Variants in DPP10 observed in about 807,000 individuals in gnomAD.
The protein encoded by DPP10 is dipeptidyl peptidase like 10, also known as inactive dipeptidyl peptidase 10.
A neutral mutation model predicts 120.9 loss-of-function variants in DPP10; 33 were observed. The ratio of observed to expected loss-of-function variants is 0.27; its 90% CI spans 0.21 to 0.37. DPP10 has a LOEUF of 0.37. DPP10 is among the 10% of genes least tolerant of loss of function. DPP10 has a pLI of 1.00. For missense variants in DPP10, 816 were observed against 942.8 expected (o/e 0.87, Z 1.76); for synonymous variants, 337 against 326.1 (o/e 1.03, Z -0.36).
chr2:114,886,718 T>G (rs958941442), intron 1 of DPP10, among the ~76,000 whole-genome samples: 2 of 152,196 alleles, frequency 1.3e-5, no homozygotes, highest in Non-Finnish European at 2.9e-5. Flanking sequence ...GTGTATAAAC[T>G]CTCCTCCCTG....
chr2:115,468,571 G>T, intron 3 of DPP10: 1 of 404,158 alleles, frequency 2.5e-6, no homozygotes, highest in South Asian at 1.9e-5. Context: ...GGGCTAATGT[G>T]GTTGATGGTG....
intron 21 of DPP10, among the ~76,000 whole-genome samples, chr2:115,835,540 T>G (rs1037019547): frequency 1.3e-5 from 2 of 152,194 alleles, no homozygotes; most frequent in Non-Finnish European, 2.9e-5. Context: ...CTTCCAGCCT[T>G]GTTTCTAGTA....
intron 1 of DPP10, among the ~76,000 whole-genome samples, chr2:114,477,281 C>G (rs1680493616): frequency 6.6e-6 from 1 of 151,962 alleles, no homozygotes; most frequent in Non-Finnish European, 1.5e-5. Flanking sequence ...TATATGCACT[C>G]TTTTGTGACT....
chr2:114,905,750 A>T (rs1404101359), intron 1 of DPP10, among the ~76,000 whole-genome samples: 1 of 152,080 alleles, frequency 6.6e-6, no homozygotes, highest in Non-Finnish European at 1.5e-5. Context: ...GTCTCATTAT[A>T]TTGCCCAGAC....
At chr2:114,756,810 A>G (rs1237550570) in intron 1 of DPP10, among the ~76,000 whole-genome samples, 2 of 151,984 alleles carry the variant, frequency 1.3e-5, no homozygotes, top group South Asian at 2.1e-4. Flanking sequence ...GAGTAAATTT[A>G]CTCAAAGAAC....
chr2:114,516,693 T>C (rs532761731), intron 1 of DPP10, among the ~76,000 whole-genome samples: 1 of 152,224 alleles, frequency 6.6e-6, no homozygotes, highest in Non-Finnish European at 1.5e-5. Flanking sequence ...CAAGAAAGCA[T>C]ACCAAATGCA....
chr2:115,397,890 C>T lies in DPP10; in HGVS notation c.271+53978C>T, dbSNP rs60424339. ...GTAATTATATTCTTGACCAATGCTC[C>T]TTGTCTCTGTCCACATAACCTCTGT... On this transcript the variant is annotated intron_variant, in intron 3 of 25. Coordinates refer to ENST00000410059, the MANE Select transcript of DPP10 (RefSeq NM_020868.6). 4.0e-3 allele frequency among the ~76,000 whole-genome samples: 608 copies of T among 152,310 alleles called. 4 individuals carry two copies. Among genetic ancestry groups the T allele is most frequent in the African/African-American group, 0.014 (595 of 41,570 alleles).
At chr2:114,606,514 A>G (rs1205177085) in intron 1 of DPP10, among the ~76,000 whole-genome samples, 7 of 152,096 alleles carry the variant, frequency 4.6e-5, no homozygotes, top group African/African-American at 1.4e-4. Context: ...TTAAGTTCTC[A>G]ATGTATTCCT....
intron 1 of DPP10, among the ~76,000 whole-genome samples, chr2:115,217,763 A>G (rs1160892853): frequency 6.6e-6 from 1 of 152,150 alleles, no homozygotes; most frequent in Non-Finnish European, 1.5e-5. Flanking sequence ...TGTCTTCCAA[A>G]ATACACTGCT....
intron 7 of DPP10, among the ~76,000 whole-genome samples, chr2:115,693,196 T>G (rs1426022098): frequency 6.6e-6 from 1 of 152,238 alleles, no homozygotes. Context: ...GAACTCTCTG[T>G]AATCTATCCC....
intron 9 of DPP10, among the ~76,000 whole-genome samples, chr2:115,741,606 A>G (rs1468359613): frequency 6.6e-6 from 1 of 152,174 alleles, no homozygotes; most frequent in Admixed American, 6.6e-5. Context: ...ATACTGTGAA[A>G]GGCACATTCA....
intron 1 of DPP10, among the ~76,000 whole-genome samples, chr2:114,491,693 C>T (rs573557974): frequency 2.3e-4 from 35 of 152,308 alleles, no homozygotes; most frequent in African/African-American, 8.4e-4. Context: ...ATTTTACTCA[C>T]TGAAGCATAA....
intron 11 of DPP10, among the ~76,000 whole-genome samples, chr2:115,754,783 T>A (rs1303684538): frequency 2.0e-5 from 3 of 152,142 alleles, no homozygotes. Context: ...GATAGTAATA[T>A]TGGAATTAGC....
At chr2:115,341,124 C>G (rs1003070782) in intron 2 of DPP10, among the ~76,000 whole-genome samples, 1 of 152,096 alleles carries the variant, frequency 6.6e-6, no homozygotes, top group African/African-American at 2.4e-5. Context: ...AAGCTGAATT[C>G]TGGAATTAAG....
chr2:115,670,664 C>G (rs1312938313), intron 5 of DPP10, among the ~76,000 whole-genome samples: 1 of 152,104 alleles, frequency 6.6e-6, no homozygotes, highest in East Asian at 1.9e-4. Context: ...ATATCTCAAT[C>G]AAAGTCTACG....
At chr2:115,468,508 C>G (rs1011538472) in intron 3 of DPP10, 3 of 436,998 alleles carry the variant, frequency 6.9e-6, no homozygotes, top group African/African-American at 4.0e-5. Flanking sequence ...ACAGATTCTC[C>G]TCTGTGCTAT....
intron 1 of DPP10, chr2:114,707,170 T>C (rs1271309560): frequency 1.3e-5 from 2 of 152,140 alleles, no homozygotes; most frequent in Non-Finnish European, 2.9e-5. Context: ...TATTTTCTAG[T>C]TTATGTAAGT....
chr2:115,384,518 G>GA (rs1382457556), intron 3 of DPP10, among the ~76,000 whole-genome samples: 1 of 144,002 alleles, frequency 6.9e-6, no homozygotes, highest in Non-Finnish European at 1.5e-5. Context: ...GAAGAAGGAA[G>GA]AAGAGGAAGA....
At position 115,162,221 on chromosome 2, in the gene DPP10, G is replaced by A. The variant is rs753324194; in HGVS notation, c.61-147018G>A. ...TTAGAGCCTCTGCGTGCGCTCCGGG[G>A]CCCGGCGAGAGGATGCGCAAGGTGG... On this transcript the variant is annotated intron_variant, in intron 1 of 25. Transcript: ENST00000410059. 2.1e-5 allele frequency: 33 copies of A among 1,558,858 alleles called. No individual in the cohort carries two copies. The Admixed American group carries it at 5.6e-4, about 27-fold the overall frequency.
Sources: gnomAD v4.1 joint callset for allele counts (sites outside exome capture counted in the v4.1 genomes callset) on GRCh38, gnomAD v4.1.1 for gene constraint, MANE v1.5 for transcripts, NCBI Gene and HGNC (gene_info 2026-07-23, HGNC 2026-07-21) for gene names.